The following TYW1 variants were observed in gnomAD, a reference collection of about 807,000 sequenced individuals.
The protein encoded by TYW1 is tRNA-yW synthesizing protein 1 homolog.
Under a neutral mutation model 96.2 loss-of-function variants are expected in TYW1, and 46 were observed. The observed-to-expected ratio is 0.48, with a 90% CI of 0.38 to 0.61. The LOEUF (loss-of-function observed/expected upper bound fraction) is 0.61, where lower values mean the gene tolerates loss of function less well. Ranked by LOEUF, TYW1 falls within the 20% of genes least tolerant of loss-of-function variation. The pLI, the probability that TYW1 is intolerant of heterozygous loss-of-function variation, is 0.00. For missense variants in TYW1, 684 were observed against 909.6 expected (o/e 0.75, Z 3.19); for synonymous variants, 274 against 323.0 (o/e 0.85, Z 1.63).
At chr7:67,207,971 T>C (rs1800867278) in intron 15 of TYW1, among the ~76,000 whole-genome samples, 2 of 152,134 alleles carry the variant, frequency 1.3e-5, no homozygotes, top group Non-Finnish European at 2.9e-5. Context: ...TCCACCTGCC[T>C]CGGCCTCACA....
intron 7 of TYW1, among the ~76,000 whole-genome samples, chr7:67,043,720 A>G (rs1795099156): frequency 6.6e-6 from 1 of 152,168 alleles, no homozygotes; most frequent in Non-Finnish European, 1.5e-5. Context: ...TGGTCTCTGT[A>G]GCTAGGAGCA....
At chr7:67,106,708 C>T (rs1180614540) in intron 12 of TYW1, among the ~76,000 whole-genome samples, 7 of 152,318 alleles carry the variant, frequency 4.6e-5, no homozygotes, top group Admixed American at 1.3e-4. Context: ...ATTTAGTCCA[C>T]GTTAACTGTT....
At chr7:67,180,466 T>G (rs1417564121) in intron 13 of TYW1, among the ~76,000 whole-genome samples, 27 of 147,894 alleles carry the variant, frequency 1.8e-4, no homozygotes, top group Non-Finnish European at 3.1e-4. Flanking sequence ...TTTTAGTTGA[T>G]TCTTTCAGGT....
In TYW1 at chr7:67,067,423, C is replaced by T. The variant is rs1795899578; in HGVS notation, c.1274+20C>T. The T allele has an allele frequency of 1.9e-6, 3 of 1,613,296 alleles. No homozygotes were observed. In the African/African-American group the frequency reaches 4.0e-5, roughly 22 times the overall value. On this transcript the variant is annotated intron_variant, in intron 10 of 15. Transcript: ENST00000359626. Reference sequence around the variant, plus strand: ...TTGGCGGTAAGTAAAAATGAAAGGTCATGGTGATCGAATATGTAATGAGCT... The same window carrying T: ...TTGGCGGTAAGTAAAAATGAAAGGTTATGGTGATCGAATATGTAATGAGCT...
At chr7:67,162,628 T>C (rs996002811) in intron 13 of TYW1, among the ~76,000 whole-genome samples, 15 of 152,214 alleles carry the variant, frequency 9.9e-5, no homozygotes, top group Non-Finnish European at 7.3e-5. Flanking sequence ...CAGTTATTTC[T>C]ATTCATTTGT....
intron 3 of TYW1, among the ~76,000 whole-genome samples, chr7:67,001,698 G>A (rs1350912687): frequency 2.6e-5 from 4 of 151,766 alleles, no homozygotes; most frequent in Non-Finnish European, 5.9e-5. Flanking sequence ...GGGATTACAG[G>A]CGTGAGCCAC....
intron 12 of TYW1, among the ~76,000 whole-genome samples, chr7:67,107,243 AT>A (rs1226564340): frequency 6.5e-4 from 99 of 152,380 alleles, no homozygotes; most frequent in African/African-American, 2.2e-3. Context: ...GTTTCTTGCA[AT>A]AGAAGTAAAT....
intron 15 of TYW1, among the ~76,000 whole-genome samples, chr7:67,208,347 A>T (rs1800878937): frequency 6.6e-6 from 1 of 151,938 alleles, no homozygotes; most frequent in Non-Finnish European, 1.5e-5. Context: ...AAAACATACC[A>T]TCTGATTCAT....
chr7:67,139,084 T>C (rs1425260298), intron 13 of TYW1, among the ~76,000 whole-genome samples: 3 of 152,136 alleles, frequency 2.0e-5, no homozygotes, highest in Non-Finnish European at 2.9e-5. Context: ...GACGGAGTCT[T>C]GCTCTGTCGC....
At chr7:67,166,053 A>G (rs1418176480) in intron 13 of TYW1, among the ~76,000 whole-genome samples, 1 of 152,148 alleles carries the variant, frequency 6.6e-6, no homozygotes, top group Non-Finnish European at 1.5e-5. Context: ...CAGCCTGACA[A>G]TATAGCGACA....
rs542310672 is a variant in TYW1, at chr7:67,140,736, C to T, written c.1698+23118C>T. 2.0e-5 allele frequency among the ~76,000 whole-genome samples: 3 copies of T among 152,282 alleles called. No individual in the cohort carries two copies. In the South Asian group the frequency reaches 6.2e-4, roughly 32 times the overall value. ...ATAAAAAATGTGCACTTTGAGTCAA[C>T]AGTTCATATCTAGTAATTTCCCCTG... On this transcript the variant is annotated intron_variant, in intron 13 of 15. Transcript: ENST00000359626.
chr7:67,070,109 A>C (rs936659412), intron 10 of TYW1, among the ~76,000 whole-genome samples: 1 of 152,150 alleles, frequency 6.6e-6, no homozygotes, highest in Admixed American at 6.5e-5. Context: ...TAATTTTACT[A>C]AGGATCCCTT....
At chr7:67,197,980 C>G in intron 15 of TYW1, among the ~76,000 whole-genome samples, 1 of 132,948 alleles carries the variant, frequency 7.5e-6, no homozygotes, top group Admixed American at 8.0e-5. Flanking sequence ...CCGCAGCATA[C>G]ACGTGCACGC....
chr7:67,015,130 T>A (rs1793972476), intron 5 of TYW1, among the ~76,000 whole-genome samples: 2 of 151,526 alleles, frequency 1.3e-5, no homozygotes, highest in African/African-American at 2.4e-5. Context: ...GCCTCCCGAG[T>A]AGCTGGGATT....
chr7:67,001,272 A>G (rs1246128756), intron 3 of TYW1, among the ~76,000 whole-genome samples: 1 of 152,106 alleles, frequency 6.6e-6, no homozygotes, highest in African/African-American at 2.4e-5. Context: ...GGCTCTTTAT[A>G]TTAATTAGTT....
At chr7:67,158,602 C>G (rs182713309) in intron 13 of TYW1, among the ~76,000 whole-genome samples, 226 of 152,144 alleles carry the variant, frequency 1.5e-3, no homozygotes, top group African/African-American at 5.3e-3. Flanking sequence ...CGGAGTCTTG[C>G]TCTGTCGCCC....
At chr7:67,224,308 G>A (rs1303119285) in intron 15 of TYW1, among the ~76,000 whole-genome samples, 1 of 152,212 alleles carries the variant, frequency 6.6e-6, no homozygotes, top group Non-Finnish European at 1.5e-5. Flanking sequence ...TGTATTTTTA[G>A]TAGAGATGGG....
chr7:67,113,393 T>C (rs1379493476), intron 12 of TYW1, among the ~76,000 whole-genome samples: 2 of 152,188 alleles, frequency 1.3e-5, no homozygotes, highest in African/African-American at 4.8e-5. Context: ...TGAGGACTTG[T>C]TGTTTTGGCT....
intron 12 of TYW1, among the ~76,000 whole-genome samples, chr7:67,109,863 G>C (rs1038145895): frequency 6.6e-5 from 10 of 152,124 alleles, no homozygotes; most frequent in Admixed American, 4.6e-4. Context: ...CTGGGGGATA[G>C]AGCAAGACTC....
Sources: gnomAD v4.1 joint callset for allele counts (sites outside exome capture counted in the v4.1 genomes callset) on GRCh38, gnomAD v4.1.1 for gene constraint, MANE v1.5 for transcripts, NCBI Gene and HGNC (gene_info 2026-07-23, HGNC 2026-07-21) for gene names.